LCP2: variants seen among roughly 807,000 people sequenced by gnomAD.
LCP2 encodes the protein lymphocyte cytosolic protein 2.
In LCP2, 29 loss-of-function variants were observed where a neutral mutation model predicts 74.5. The ratio of observed to expected loss-of-function variants is 0.39; its 90% CI spans 0.29 to 0.53. The LOEUF (loss-of-function observed/expected upper bound fraction) is 0.53. LCP2 is among the 20% of genes least tolerant of loss of function. The pLI is 0.72. For synonymous variants in LCP2, 228 were observed against 229.5 expected (o/e 0.99, Z 0.06); for missense variants, 604 against 634.6 (o/e 0.95, Z 0.52).
Position 170,287,982 on chromosome 5 carries a change from T to C in LCP2, c.176A>G (p.Lys59Arg). Residue 59 changes from lysine (K) to arginine (R), a missense_variant, in exon 3 of 21, where the codon AAG becomes AGG. Transcript: ENST00000046794. ...GAGGAGTACTTACGGCACCCGGAGC[T>C]TGGGGAACTTCTGGATGTCATTTTC... ...LTENDIQKFP[K>R]LRVPILSKLS... The C allele has an allele frequency of 6.2e-7, 1 of 1,613,916 alleles. No individual in the cohort carries two copies. Among genetic ancestry groups the C allele is most frequent in the Non-Finnish European group, 8.5e-7 (1 of 1,179,866 alleles).
intron 19 of LCP2, chr5:170,252,165 A>G (rs1239391760): frequency 1.1e-5 from 3 of 281,354 alleles, no homozygotes; most frequent in Non-Finnish European, 1.4e-5. Flanking sequence ...ATGACAAGAC[A>G]GACTCTTTCA....
chr5:170,262,805 C>T (rs780267948), intron 12 of LCP2, 37 bp downstream of exon 12: 15 of 1,613,790 alleles, frequency 9.3e-6, no homozygotes, highest in African/African-American at 6.7e-5. Context: ...TTCTACAGAA[C>T]GTCCCATGTA....
chr5:170,258,706 T>C (rs910449162), intron 15 of LCP2, among the ~76,000 whole-genome samples, 160 bp downstream of exon 15: 18 of 152,252 alleles, frequency 1.2e-4, no homozygotes, highest in Non-Finnish European at 2.1e-4. Flanking sequence ...CATTTTACGA[T>C]AGTTATGCAG....
chr5:170,253,509 A>T (rs1465573571), intron 17 of LCP2, among the ~76,000 whole-genome samples: 2 of 152,212 alleles, frequency 1.3e-5, no homozygotes, highest in African/African-American at 4.8e-5. Flanking sequence ...ATCCCTTTAT[A>T]AAAAAATTCG....
At chr5:170,283,778 G>A (rs74772562) in intron 3 of LCP2, among the ~76,000 whole-genome samples, 3,451 of 152,224 alleles carry the variant, frequency 0.023, 119 homozygotes, top group African/African-American at 0.076. Context: ...CGCTCCACCA[G>A]GCACACTGGG....
Position 170,246,308 on chromosome 5 carries a change from G to A in LCP2, c.*2389C>T, listed in dbSNP as rs541049463. 8.9e-4 allele frequency: 407 copies of A among 459,658 alleles called. 5 individuals are homozygous for A. In the South Asian group the frequency reaches 0.014, roughly 16 times the overall value. 28.5% of individuals were successfully genotyped at this position (459,658 alleles called of 1,614,324 possible). Reference sequence around the variant, plus strand: ...TCACTAATGGCAAGTGTATGACATAGGAAATTGGCCATGGGTCACTGCTTA... The same window carrying A: ...TCACTAATGGCAAGTGTATGACATAAGAAATTGGCCATGGGTCACTGCTTA... On this transcript the variant is annotated 3_prime_UTR_variant, in exon 21 of 21. Transcript: ENST00000046794.
intron 16 of LCP2, among the ~76,000 whole-genome samples, chr5:170,257,078 G>T (rs1761566498): frequency 6.6e-6 from 1 of 152,192 alleles, no homozygotes; most frequent in African/African-American, 2.4e-5. Context: ...GGGGTGGGGA[G>T]GCGGGCCCAG....
At chr5:170,287,143 A>C (rs1762195780) in intron 3 of LCP2, among the ~76,000 whole-genome samples, 1 of 152,142 alleles carries the variant, frequency 6.6e-6, no homozygotes, top group Non-Finnish European at 1.5e-5. Context: ...CACAATCCCC[A>C]CCATTCTCTA....
intron 7 of LCP2, among the ~76,000 whole-genome samples, chr5:170,268,916 T>A (rs1223037096): frequency 6.6e-6 from 1 of 152,194 alleles, no homozygotes; most frequent in Non-Finnish European, 1.5e-5. Flanking sequence ...CACACCTGCA[T>A]ACACAGAGAC....
intron 10 of LCP2, among the ~76,000 whole-genome samples, chr5:170,263,578 T>C (rs1761699826): frequency 6.6e-6 from 1 of 152,250 alleles, no homozygotes; most frequent in Non-Finnish European, 1.5e-5. Context: ...GTTTTGCTTT[T>C]CTTCTAGAAC....
At chr5:170,253,280 A>G (rs1761488031) in intron 17 of LCP2, 67 bp from the exon 18 acceptor site, 1 of 1,103,430 alleles carries the variant, frequency 9.1e-7, no homozygotes, top group African/African-American at 1.6e-5. Context: ...TCAAAACACA[A>G]AACACATTCC....
At chr5:170,295,739 G>C (rs1021200037) in intron 1 of LCP2, among the ~76,000 whole-genome samples, 1 of 152,200 alleles carries the variant, frequency 6.6e-6, no homozygotes, top group Non-Finnish European at 1.5e-5. Flanking sequence ...GAATCTGAAG[G>C]GTTTCTATCC....
Position 170,246,850 on chromosome 5 carries a change from G to A in LCP2, c.*1847C>T, listed in dbSNP as rs772290715. Reference sequence around the variant, plus strand: ...CAAGGCCCAGCCAAAAGGAGTTGTCGGTGCTTGAACAGAGAGAGAATGCTA... The same window carrying A: ...CAAGGCCCAGCCAAAAGGAGTTGTCAGTGCTTGAACAGAGAGAGAATGCTA... On this transcript the variant is annotated 3_prime_UTR_variant, in exon 21 of 21. Coordinates refer to ENST00000046794, the MANE Select transcript of LCP2 (RefSeq NM_005565.5). 14 of 152,172 alleles carry A rather than the reference G, an allele frequency of 9.2e-5. No homozygotes were observed. Among genetic ancestry groups the A allele is most frequent in the Admixed American group, 2.0e-4 (3 of 15,268 alleles). The allele number at this position is 152,172 out of a possible 1,614,324, so 9.4% of individuals were successfully genotyped here.
chr5:170,248,930 T>G, intron 20 of LCP2, 111 bp from the exon 21 acceptor site: 1 of 1,071,644 alleles, frequency 9.3e-7, no homozygotes, highest in Non-Finnish European at 1.4e-6. Context: ...TGATGAGGAT[T>G]GTGGGGGGAA....
At chr5:170,286,013 C>A (rs752551865) in intron 3 of LCP2, among the ~76,000 whole-genome samples, 1 of 152,346 alleles carries the variant, frequency 6.6e-6, no homozygotes, top group East Asian at 1.9e-4. Flanking sequence ...TTTTCCATCC[C>A]TCGGTGTCTG....
At position 170,297,691 on chromosome 5, in the gene LCP2, G is replaced by A. The variant is rs1270813310; in HGVS notation, c.-80C>T. 1.2e-5 allele frequency: 15 copies of A among 1,274,522 alleles called. No homozygotes were observed. Among genetic ancestry groups the A allele is most frequent in the African/African-American group, 3.0e-5 (2 of 67,476 alleles). The allele number at this position is 1,274,522 out of a possible 1,614,324, so 79.0% of individuals were successfully genotyped here. On this transcript the variant is annotated 5_prime_UTR_variant, in exon 1 of 21. Transcript: ENST00000046794. ...GCAGAGAAGCTCAAATCCAGAGCTC[G>A]GAGGCGTTCTTGGCTCTTCCAACTC...
chr5:170,270,042 T>A (rs1229641919), intron 7 of LCP2, among the ~76,000 whole-genome samples: 1 of 152,208 alleles, frequency 6.6e-6, no homozygotes, highest in Admixed American at 6.5e-5. Flanking sequence ...TCTGAAAGTA[T>A]ATTATTTAAG....
At chr5:170,272,596 TC>T (rs1175401419) in intron 6 of LCP2, among the ~76,000 whole-genome samples, 6 of 135,968 alleles carry the variant, frequency 4.4e-5, no homozygotes, top group African/African-American at 1.8e-4. Flanking sequence ...TCAAATATTT[TC>T]TTTTTTTTTT....
At chr5:170,278,550 T>C (rs1488006046) in intron 3 of LCP2, among the ~76,000 whole-genome samples, 1 of 149,498 alleles carries the variant, frequency 6.7e-6, no homozygotes, top group Non-Finnish European at 1.5e-5. Context: ...GCGGTTGCCA[T>C]TTAAAATGAT....
Sources: gnomAD v4.1 joint callset for allele counts (sites outside exome capture counted in the v4.1 genomes callset) on GRCh38, gnomAD v4.1.1 for gene constraint, MANE v1.5 for transcripts, NCBI Gene and HGNC (gene_info 2026-07-23, HGNC 2026-07-21) for gene names.